The following TNRC6A variants were observed in gnomAD, a reference collection of about 807,000 sequenced individuals.
TNRC6A encodes the protein trinucleotide repeat-containing gene 6A protein.
TNRC6A carries 44 observed loss-of-function variants against 221.2 expected under a neutral mutation model. The ratio of observed to expected loss-of-function variants is 0.20; its 90% CI spans 0.16 to 0.26. The LOEUF is 0.26. TNRC6A is among the 10% of genes least tolerant of loss of function. The pLI is 1.00. For missense variants in TNRC6A, 2,199 were observed against 2,404.4 expected (o/e 0.91, Z 1.79); for synonymous variants, 847 against 838.5 (o/e 1.01, Z -0.18).
intron 5 of TNRC6A, among the ~76,000 whole-genome samples, chr16:24,785,830 G>T (rs1304884031): frequency 6.6e-6 from 1 of 152,324 alleles, no homozygotes; most frequent in African/African-American, 2.4e-5. Flanking sequence ...AGTGGCAGCA[G>T]AAATACGTTT....
At chr16:24,644,456 G>A (rs768936161) in intron 2 of TNRC6A, among the ~76,000 whole-genome samples, 1 of 151,890 alleles carries the variant, frequency 6.6e-6, no homozygotes, top group Non-Finnish European at 1.5e-5. Context: ...GCCACACCCA[G>A]CTAATTTTTA....
At chr16:24,705,714 A>G (rs934644308) in intron 2 of TNRC6A, among the ~76,000 whole-genome samples, 2 of 152,234 alleles carry the variant, frequency 1.3e-5, no homozygotes, top group Non-Finnish European at 2.9e-5. Flanking sequence ...ACAAAATTCA[A>G]TATCCAGTAT....
intron 2 of TNRC6A, chr16:24,663,375 G>A (rs910481806): frequency 2.6e-5 from 4 of 153,818 alleles, no homozygotes; most frequent in African/African-American, 9.7e-5. Context: ...TGGCCAACAT[G>A]GCAAAACCCC....
At chr16:24,752,372 G>A (rs2057157068) in intron 3 of TNRC6A, among the ~76,000 whole-genome samples, 1 of 152,184 alleles carries the variant, frequency 6.6e-6, no homozygotes, top group Non-Finnish European at 1.5e-5. Context: ...GAGCCTAGGG[G>A]TGTCATCAGC....
intron 2 of TNRC6A, among the ~76,000 whole-genome samples, chr16:24,718,811 C>T (rs566133601): frequency 9.2e-5 from 14 of 151,566 alleles, no homozygotes; most frequent in Middle Eastern, 3.4e-3. Context: ...CTGAGGCGGG[C>T]GGATCACCTG....
At chr16:24,802,957 T>C (rs2058358277) in intron 11 of TNRC6A, among the ~76,000 whole-genome samples, 1 of 152,096 alleles carries the variant, frequency 6.6e-6, no homozygotes, top group Admixed American at 6.6e-5. Flanking sequence ...AGGAAAAAAG[T>C]TTCCAGGAGA....
intron 2 of TNRC6A, among the ~76,000 whole-genome samples, chr16:24,712,866 A>G (rs1178395869): frequency 2.0e-5 from 3 of 151,398 alleles, no homozygotes; most frequent in African/African-American, 7.3e-5. Flanking sequence ...GGCTCCTCCC[A>G]GCTCAGCCTC....
chr16:24,783,888 T>C (rs999734568), intron 5 of TNRC6A, among the ~76,000 whole-genome samples: 2 of 152,270 alleles, frequency 1.3e-5, no homozygotes, highest in African/African-American at 4.8e-5. Context: ...CTTCCAAATC[T>C]GAAATAATCT....
chr16:24,626,049 G>A (rs1395089227), intron 1 of TNRC6A, among the ~76,000 whole-genome samples: 1 of 152,154 alleles, frequency 6.6e-6, no homozygotes, highest in Non-Finnish European at 1.5e-5. Context: ...GGGGTTACAT[G>A]TGCAGGTTTG....
chr16:24,709,727 A>T (rs2056167061), intron 2 of TNRC6A, among the ~76,000 whole-genome samples: 1 of 149,136 alleles, frequency 6.7e-6, no homozygotes, highest in African/African-American at 2.5e-5. Context: ...CGGGAGGCTG[A>T]GGCAGGAGGA....
In TNRC6A at chr16:24,729,766, C is replaced by A; in HGVS notation, c.-76C>A. On this transcript the variant is annotated 5_prime_UTR_variant, in exon 1 of 25. Coordinates refer to ENST00000395799, the MANE Select transcript of TNRC6A (RefSeq NM_014494.4). ...CGCTGGTGCAGCGGCTCGGGCCTCT[C>A]CCCGCGGCGCTGCGGAGGGCTTGAG... is the stretch of plus-strand genomic sequence containing the variant. 1 of 1,367,050 alleles carries A rather than the reference C, an allele frequency of 7.3e-7. No homozygotes were observed. Among genetic ancestry groups the A allele is most frequent in the South Asian group, 1.7e-5 (1 of 57,276 alleles). The allele number at this position is 1,367,050 out of a possible 1,614,324, so 84.7% of individuals were successfully genotyped here.
intron 1 of TNRC6A, among the ~76,000 whole-genome samples, chr16:24,617,961 C>A (rs988716031): frequency 2.6e-5 from 4 of 152,166 alleles, no homozygotes; most frequent in African/African-American, 9.7e-5. Context: ...AATGCAGTGG[C>A]ATGATCTCAG....
chr16:24,755,238 T>C (rs1404165440), intron 3 of TNRC6A, among the ~76,000 whole-genome samples: 1 of 152,224 alleles, frequency 6.6e-6, no homozygotes, highest in African/African-American at 2.4e-5. Flanking sequence ...TGAGCTAGAT[T>C]AATTCTTTAT....
chr16:24,638,723 A>C (rs1339991252), intron 1 of TNRC6A, among the ~76,000 whole-genome samples: 1 of 151,818 alleles, frequency 6.6e-6, no homozygotes, highest in Admixed American at 6.6e-5. Context: ...AAAAAAAAAC[A>C]AAAAACAAAA....
intron 1 of TNRC6A, among the ~76,000 whole-genome samples, chr16:24,617,437 A>C (rs2141571795): frequency 6.6e-6 from 1 of 152,236 alleles, no homozygotes; most frequent in African/African-American, 2.4e-5. Context: ...TAATTTAATA[A>C]TCCTAATGCC....
chr16:24,628,381 T>C (rs1386264943), intron 1 of TNRC6A, among the ~76,000 whole-genome samples: 2 of 151,744 alleles, frequency 1.3e-5, no homozygotes, highest in African/African-American at 4.8e-5. Context: ...GATCGCTCCA[T>C]TGCACTCCAG....
intron 18 of TNRC6A, among the ~76,000 whole-genome samples, chr16:24,813,138 A>G (rs990966150): frequency 2.0e-5 from 3 of 151,914 alleles, no homozygotes; most frequent in African/African-American, 7.3e-5. Flanking sequence ...CGGCCTCCCA[A>G]AGTGCTGGGA....
At chr16:24,820,074 T>C in intron 21 of TNRC6A, 65 bp from the exon 22 acceptor site, 1 of 1,439,188 alleles carries the variant, frequency 6.9e-7, no homozygotes, top group Non-Finnish European at 9.7e-7. Flanking sequence ...TGGATGTCAT[T>C]ATTTAAATTT....
chr16:24,729,914 G>C (rs961441715), intron 1 of TNRC6A, 68 bp downstream of exon 1: 55 of 1,186,736 alleles, frequency 4.6e-5, no homozygotes, highest in Non-Finnish European at 5.8e-5. Context: ...CCCGCAACCC[G>C]CGGCGGCGGC....
Sources: allele counts gnomAD v4.1 joint callset (sites outside exome capture counted in the v4.1 genomes callset), GRCh38; gene constraint gnomAD v4.1.1; transcripts MANE v1.5; gene names NCBI Gene and HGNC (gene_info 2026-07-23, HGNC 2026-07-21).